The following ATG10 variants were observed in gnomAD, a reference collection of about 807,000 sequenced individuals.
The protein encoded by ATG10 is autophagy related 10.
In ATG10, 30 loss-of-function variants were observed where a neutral mutation model predicts 32.1. The ratio of observed to expected loss-of-function variants is 0.94; its 90% CI spans 0.70 to 1.27. The LOEUF (loss-of-function observed/expected upper bound fraction) is 1.27. Ranked by LOEUF, ATG10 falls within the 50% of genes most tolerant of loss-of-function variation. The probability of loss-of-function intolerance (pLI) is 0.00; values close to 1 mark genes in which losing one functional copy is unlikely to be tolerated. For synonymous variants in ATG10, 87 were observed against 91.5 expected, an observed-to-expected ratio of 0.95 and a Z score of 0.28; for missense variants, 233 against 262.3, an observed-to-expected ratio of 0.89 and a Z score of 0.77.
chr5:82,083,308 T>C (rs1280488597), intron 3 of ATG10, among the ~76,000 whole-genome samples: 2 of 152,086 alleles, frequency 1.3e-5, no homozygotes, highest in Non-Finnish European at 2.9e-5. Flanking sequence ...TGCTGAGGCT[T>C]GCGTAGGTAA....
intron 3 of ATG10, among the ~76,000 whole-genome samples, chr5:82,130,400 A>G (rs1321936688): frequency 6.6e-6 from 1 of 151,962 alleles, no homozygotes; most frequent in Non-Finnish European, 1.5e-5. Context: ...ATTAAAAAAA[A>G]AGCCCTGCAG....
At chr5:81,994,015 C>A (rs1170349407) in intron 2 of ATG10, among the ~76,000 whole-genome samples, 2 of 152,144 alleles carry the variant, frequency 1.3e-5, no homozygotes, top group African/African-American at 4.8e-5. Context: ...AGCCCATAAT[C>A]TCAGTGTTTC....
intron 5 of ATG10, among the ~76,000 whole-genome samples, chr5:82,232,302 GATAAAA>G (rs534823129): frequency 6.0e-4 from 91 of 152,242 alleles, no homozygotes; most frequent in African/African-American, 2.2e-3. Context: ...TTTACTTTAA[GATAAAA>G]ATAGAATAAA....
At chr5:82,173,485 C>T (rs1743881115) in intron 4 of ATG10, among the ~76,000 whole-genome samples, 1 of 152,138 alleles carries the variant, frequency 6.6e-6, no homozygotes, top group Non-Finnish European at 1.5e-5. Flanking sequence ...AGATTACTGA[C>T]AGAACATTCC....
At chr5:82,028,675 C>G (rs186539024) in intron 2 of ATG10, among the ~76,000 whole-genome samples, 206 of 152,270 alleles carry the variant, frequency 1.4e-3, no homozygotes, top group Non-Finnish European at 2.4e-3. Context: ...TACTAAAGTG[C>G]AGTAGATGTC....
intron 4 of ATG10, among the ~76,000 whole-genome samples, chr5:82,170,514 G>A (rs958729039): frequency 6.6e-6 from 1 of 152,168 alleles, no homozygotes; most frequent in African/African-American, 2.4e-5. Context: ...GGTATTCAAA[G>A]TGCTGGTATA....
chr5:81,993,375 T>TTCTTTCC, intron 2 of ATG10, among the ~76,000 whole-genome samples: 2 of 33,788 alleles, frequency 5.9e-5, no homozygotes, highest in African/African-American at 4.4e-4. Context: ...TTTCTTTTCT[T>TTCTTTCC]TTCTTTTCTT....
intron 5 of ATG10, among the ~76,000 whole-genome samples, chr5:82,202,621 T>C (rs1174293266): frequency 6.6e-6 from 1 of 152,226 alleles, no homozygotes; most frequent in African/African-American, 2.4e-5. Flanking sequence ...TCTCAGAGGC[T>C]CCTTTTCCTG....
intron 2 of ATG10, among the ~76,000 whole-genome samples, chr5:82,020,928 T>C (rs188086168): frequency 6.6e-6 from 1 of 152,180 alleles, no homozygotes; most frequent in East Asian, 1.9e-4. Flanking sequence ...GGACAATTAC[T>C]GGAAAAAATA....
chr5:82,204,435 A>G lies in ATG10; in HGVS notation c.453+25848A>G, dbSNP rs377287279. 1.4e-4 allele frequency among the ~76,000 whole-genome samples: 22 copies of G among 152,314 alleles called. No homozygotes were observed. In the East Asian group the frequency reaches 4.2e-3, roughly 29 times the overall value. On this transcript the variant is annotated intron_variant, in intron 5 of 7. Transcript: ENST00000282185. ...TTGATAAATAATTTTTGTATTTTAC[A>G]ATGTACCAGACACCTATAGTAATTG...
At chr5:82,243,623 A>C (rs959883201) in intron 5 of ATG10, among the ~76,000 whole-genome samples, 1 of 152,164 alleles carries the variant, frequency 6.6e-6, no homozygotes, top group African/African-American at 2.4e-5. Context: ...ATATACTTCT[A>C]TGCATTTAAA....
intron 2 of ATG10, among the ~76,000 whole-genome samples, chr5:82,043,038 A>G (rs1460938756): frequency 1.3e-5 from 2 of 151,846 alleles, no homozygotes; most frequent in East Asian, 1.9e-4. Flanking sequence ...CCAACCCCAC[A>G]TTTTCCCTCT....
intron 3 of ATG10, among the ~76,000 whole-genome samples, chr5:82,156,409 C>T (rs981691878): frequency 1.3e-5 from 2 of 152,036 alleles, no homozygotes; most frequent in African/African-American, 4.8e-5. Flanking sequence ...GGGTGGAGGC[C>T]AGGAATACGT....
intron 4 of ATG10, among the ~76,000 whole-genome samples, chr5:82,172,323 A>G (rs1051767865): frequency 1.3e-5 from 2 of 152,212 alleles, no homozygotes; most frequent in Non-Finnish European, 2.9e-5. Flanking sequence ...TTTAGTTCTG[A>G]TTCCTAGCTC....
At chr5:82,135,954 A>T (rs954559315) in intron 3 of ATG10, among the ~76,000 whole-genome samples, 3 of 151,994 alleles carry the variant, frequency 2.0e-5, no homozygotes, top group African/African-American at 7.3e-5. Flanking sequence ...TGTTGCATTG[A>T]TTCCCTTTAC....
intron 5 of ATG10, among the ~76,000 whole-genome samples, chr5:82,209,610 G>C (rs79772419): frequency 0.014 from 2,106 of 152,194 alleles, 39 homozygotes; most frequent in African/African-American, 0.047. Flanking sequence ...CCAAGTTTAT[G>C]GTATTGTTGT....
chr5:82,162,410 A>G (rs1743391205), intron 3 of ATG10, among the ~76,000 whole-genome samples: 1 of 152,174 alleles, frequency 6.6e-6, no homozygotes, highest in Admixed American at 6.6e-5. Context: ...ATATAGGAAA[A>G]GAGCATTCTC....
intron 2 of ATG10, among the ~76,000 whole-genome samples, chr5:82,003,688 G>A (rs1761912290): frequency 6.6e-6 from 1 of 152,180 alleles, no homozygotes; most frequent in Non-Finnish European, 1.5e-5. Flanking sequence ...AACATCATTG[G>A]AAGTTTATAG....
chr5:81,978,771 C>T (rs1476953159), intron 1 of ATG10, among the ~76,000 whole-genome samples: 6 of 152,078 alleles, frequency 3.9e-5, no homozygotes, highest in Non-Finnish European at 8.8e-5. Context: ...AGTGATCCTC[C>T]TACCTCGGCC....
Sources: allele counts gnomAD v4.1 joint callset (sites outside exome capture counted in the v4.1 genomes callset), GRCh38; gene constraint gnomAD v4.1.1; transcripts MANE v1.5; gene names NCBI Gene and HGNC (gene_info 2026-07-23, HGNC 2026-07-21).